The following GSK3B variants were observed in gnomAD, a reference collection of about 807,000 sequenced individuals.
GSK3B encodes glycogen synthase kinase-3 beta.
GSK3B carries 15 observed loss-of-function variants against 56.4 expected under a neutral mutation model. That is an observed-to-expected ratio of 0.27 (90% CI 0.18 to 0.41). GSK3B has a LOEUF of 0.41. GSK3B is among the 10% of genes least tolerant of loss of function. The probability of loss-of-function intolerance (pLI) is 1.00; values close to 1 mark genes in which losing one functional copy is unlikely to be tolerated. For synonymous variants in GSK3B, 181 were observed against 188.9 expected (o/e 0.96, Z 0.34); for missense variants, 300 against 513.4 (o/e 0.58, Z 4.02).
At chr3:120,065,465 A>T (rs2058270713) in intron 1 of GSK3B, among the ~76,000 whole-genome samples, 1 of 152,190 alleles carries the variant, frequency 6.6e-6, no homozygotes, top group Non-Finnish European at 1.5e-5. Flanking sequence ...AAATAGAAAT[A>T]AGGCTTGAAG....
intron 7 of GSK3B, among the ~76,000 whole-genome samples, chr3:119,878,880 T>C (rs1223241907): frequency 1.3e-5 from 2 of 152,168 alleles, no homozygotes; most frequent in Non-Finnish European, 2.9e-5. Context: ...TAGTAAATTT[T>C]CTATCTATAG....
intron 4 of GSK3B, among the ~76,000 whole-genome samples, chr3:119,922,885 T>C (rs148365397): frequency 0.015 from 2,308 of 152,250 alleles, 28 homozygotes; most frequent in Non-Finnish European, 0.026. Context: ...CAAGATGGCA[T>C]TGATATTAGA....
At position 120,053,103 on chromosome 3, in the gene GSK3B, G is replaced by A. The variant is rs140100271; in HGVS notation, c.88+40244C>T. On this transcript the variant is annotated intron_variant, in intron 1 of 10. Transcript: ENST00000264235. ...TGTAATCTCAGCACTTTGGGAGGCC[G>A]AGGTGGGTGGATCACCTGAGGTCAG... 2.0e-4 allele frequency among the ~76,000 whole-genome samples: 31 copies of A among 152,290 alleles called. No individual in the cohort carries two copies. In the East Asian group the frequency reaches 4.6e-3, roughly 23 times the overall value.
chr3:120,039,140 C>T lies in GSK3B; in HGVS notation c.89-36901G>A, dbSNP rs6806055. Among the ~76,000 whole-genome samples the T allele has an allele frequency of 1.5e-3, 222 of 152,290 alleles. 2 individuals carry two copies. Among genetic ancestry groups the T allele is most frequent in the Admixed American group, 6.7e-3 (102 of 15,288 alleles). ...AATTGTAAATTAAAACAATGCCATA[C>T]CATTATACATCCACTGGAACAGAAT... On this transcript the variant is annotated intron_variant, in intron 1 of 10. Coordinates refer to ENST00000264235, the MANE Select transcript of GSK3B (RefSeq NM_001146156.2).
intron 7 of GSK3B, among the ~76,000 whole-genome samples, chr3:119,899,053 G>A (rs1008917814): frequency 6.6e-6 from 1 of 152,066 alleles, no homozygotes; most frequent in Non-Finnish European, 1.5e-5. Flanking sequence ...CCAGGAGGAG[G>A]ATCATCTGCT....
At chr3:119,879,396 T>C (rs879553897) in intron 7 of GSK3B, among the ~76,000 whole-genome samples, 2 of 152,138 alleles carry the variant, frequency 1.3e-5, no homozygotes, top group Non-Finnish European at 1.5e-5. Context: ...GTAGCCAGGA[T>C]GGTCTTGATC....
chr3:119,993,846 T>C (rs1007177804), intron 2 of GSK3B, among the ~76,000 whole-genome samples: 1 of 152,220 alleles, frequency 6.6e-6, no homozygotes, highest in African/African-American at 2.4e-5. Context: ...TAAGGGGATC[T>C]AGATCCAGCT....
intron 1 of GSK3B, among the ~76,000 whole-genome samples, chr3:120,035,394 C>G (rs141833104): frequency 6.6e-6 from 1 of 152,204 alleles, no homozygotes; most frequent in Non-Finnish European, 1.5e-5. Flanking sequence ...TTTTAAGCCA[C>G]CTAGTTTTGG....
chr3:119,845,666 C>G (rs1577311593), intron 9 of GSK3B, among the ~76,000 whole-genome samples: 1 of 152,208 alleles, frequency 6.6e-6, no homozygotes, highest in Middle Eastern at 3.4e-3. Context: ...AGAGAGGACA[C>G]AAACAAATGG....
At chr3:119,829,772 C>G (rs1330998890) in intron 10 of GSK3B, among the ~76,000 whole-genome samples, 1 of 152,200 alleles carries the variant, frequency 6.6e-6, no homozygotes, top group Non-Finnish European at 1.5e-5. Context: ...AAACCAGAAA[C>G]AAATTCACTT....
chr3:120,068,419 C>T lies in GSK3B; in HGVS notation c.88+24928G>A, dbSNP rs1040976278. Among the ~76,000 whole-genome samples, 6 of 132,712 alleles carry T rather than the reference C, an allele frequency of 4.5e-5. No homozygotes were observed. In the East Asian group the frequency reaches 9.5e-4, roughly 21 times the overall value. 87.1% of individuals were successfully genotyped at this position (132,712 alleles called of 152,430 possible). A position where few individuals can be genotyped will look rare whatever the true frequency, so the allele number is the denominator to read the frequency against. On this transcript the variant is annotated intron_variant, in intron 1 of 10. Coordinates refer to ENST00000264235, the MANE Select transcript of GSK3B (RefSeq NM_001146156.2). ...AAAAAAAAAAAAAAAAAATTTGGGA[C>T]GCCAGGAGCGGTGGCTCATGCCTGT...
At chr3:119,891,870 A>G (rs1177782321) in intron 7 of GSK3B, among the ~76,000 whole-genome samples, 1 of 152,180 alleles carries the variant, frequency 6.6e-6, no homozygotes, top group Non-Finnish European at 1.5e-5. Context: ...AAAAGCATCA[A>G]GATCAGCCTG....
chr3:119,861,575 A>C (rs1398275287), intron 9 of GSK3B, among the ~76,000 whole-genome samples: 1 of 151,878 alleles, frequency 6.6e-6, no homozygotes, highest in East Asian at 1.9e-4. Context: ...CAACAAAAAA[A>C]CCCCACCTCT....
chr3:120,031,939 C>T (rs1226336197), intron 1 of GSK3B, among the ~76,000 whole-genome samples: 1 of 152,162 alleles, frequency 6.6e-6, no homozygotes, highest in Non-Finnish European at 1.5e-5. Context: ...TTCCAGACTA[C>T]AATGATTACT....
chr3:119,898,598 G>T (rs1238458531), intron 7 of GSK3B, among the ~76,000 whole-genome samples: 1 of 152,032 alleles, frequency 6.6e-6, no homozygotes, highest in Non-Finnish European at 1.5e-5. Context: ...TTTCCCGAAG[G>T]TACAAAATTC....
At chr3:119,966,031 C>T (rs2057316050) in intron 2 of GSK3B, among the ~76,000 whole-genome samples, 1 of 152,256 alleles carries the variant, frequency 6.6e-6, no homozygotes, top group East Asian at 1.9e-4. Flanking sequence ...ACTCCCACAG[C>T]TGGCACCAAA....
chr3:119,915,576 G>A (rs1032497908), intron 5 of GSK3B, among the ~76,000 whole-genome samples: 1 of 151,902 alleles, frequency 6.6e-6, no homozygotes, highest in Non-Finnish European at 1.5e-5. Context: ...GTCACATTCT[G>A]TATGTTTTTA....
At chr3:120,084,472 T>C (rs1031846491) in intron 1 of GSK3B, 20 of 152,238 alleles carry the variant, frequency 1.3e-4, no homozygotes, top group Non-Finnish European at 2.4e-4. Context: ...TAAGCCCTTC[T>C]GCACTATTTG....
intron 2 of GSK3B, among the ~76,000 whole-genome samples, chr3:119,989,334 A>G (rs890414529): frequency 3.3e-5 from 5 of 152,282 alleles, no homozygotes; most frequent in South Asian, 2.1e-4. Flanking sequence ...AAAGTCATAA[A>G]TATCAATGTA....
Sources: allele counts gnomAD v4.1 joint callset (sites outside exome capture counted in the v4.1 genomes callset), GRCh38; gene constraint gnomAD v4.1.1; transcripts MANE v1.5; gene names NCBI Gene and HGNC (gene_info 2026-07-23, HGNC 2026-07-21).